Variants in SORCS2 observed in about 807,000 individuals in gnomAD.
The protein encoded by SORCS2 is sortilin related VPS10 domain containing receptor 2, also known as VPS10 domain-containing receptor SorCS2.
In SORCS2, 100 loss-of-function variants were observed where a neutral mutation model predicts 141.6. The observed-to-expected ratio is 0.71, with a 90% CI of 0.60 to 0.83. The LOEUF (loss-of-function observed/expected upper bound fraction) is 0.83. SORCS2 is among the 40% of genes least tolerant of loss of function. The pLI, the probability that SORCS2 is intolerant of heterozygous loss-of-function variation, is 0.00. For synonymous variants in SORCS2, 789 were observed against 676.9 expected, an observed-to-expected ratio of 1.17 and a Z score of -2.57; for missense variants, 1,646 against 1,560.2, an observed-to-expected ratio of 1.05 and a Z score of -0.93.
chr4:7,521,599 TCTC>T (rs1292895130), intron 2 of SORCS2, among the ~76,000 whole-genome samples: 6 of 152,244 alleles, frequency 3.9e-5, no homozygotes, highest in Admixed American at 2.6e-4. Flanking sequence ...CTGTGTGTCT[TCTC>T]ATCTCACAGC....
intron 1 of SORCS2, among the ~76,000 whole-genome samples, chr4:7,210,978 T>A (rs1302945884): frequency 2.0e-5 from 3 of 152,194 alleles, no homozygotes; most frequent in African/African-American, 7.2e-5. Flanking sequence ...TGACCTGGCC[T>A]GGGTGGAGTG....
intron 3 of SORCS2, among the ~76,000 whole-genome samples, chr4:7,592,114 C>T (rs533488644): frequency 6.6e-6 from 1 of 152,172 alleles, no homozygotes; most frequent in African/African-American, 2.4e-5. Flanking sequence ...GAAAAAGATA[C>T]GCTTCGAGTT....
Position 7,280,803 on chromosome 4 carries a change from G to A in SORCS2, c.480+87677G>A, listed in dbSNP as rs75809513. Among the ~76,000 whole-genome samples the A allele has an allele frequency of 6.9e-3, 1,049 of 152,266 alleles. 48 individuals are homozygous for A. Among genetic ancestry groups the A allele is most frequent in the Admixed American group, 0.059 (901 of 15,298 alleles). ...GATGATTGTAGCAAGGGATGGATGC[G>A]CTACAATGAATGAATGAATGCATGA... is the stretch of plus-strand genomic sequence containing the variant. On this transcript the variant is annotated intron_variant, in intron 1 of 26. Transcript: ENST00000507866.
chr4:7,487,310 C>T (rs776605242), intron 2 of SORCS2, among the ~76,000 whole-genome samples: 6 of 152,198 alleles, frequency 3.9e-5, no homozygotes, highest in Non-Finnish European at 8.8e-5. Context: ...GGCCCACAGT[C>T]ACCAGAGGAT....
chr4:7,240,944 T>C (rs1712651028), intron 1 of SORCS2, among the ~76,000 whole-genome samples: 1 of 152,180 alleles, frequency 6.6e-6, no homozygotes, highest in African/African-American at 2.4e-5. Flanking sequence ...TTATTATTAT[T>C]ATTTTTTGAG....
At chr4:7,703,246 G>A (rs766149817) in intron 12 of SORCS2, 34 bp from the exon 13 acceptor site, 2 of 1,567,912 alleles carry the variant, frequency 1.3e-6, no homozygotes, top group Admixed American at 1.8e-5. Flanking sequence ...ACCTTCTCAG[G>A]CCCTGCCCTC....
rs117544706 is a variant in SORCS2 at position 7,283,232 on chromosome 4, T to C, written c.480+90106T>C. On this transcript the variant is annotated intron_variant, in intron 1 of 26. Coordinates refer to ENST00000507866, the MANE Select transcript of SORCS2 (RefSeq NM_020777.3). ...AGATACTGAGCATGCATGTGTGATATGACATAAAGCAGCTGAGAGTTGGAG... is the reference window on the plus strand; with the variant it reads ...AGATACTGAGCATGCATGTGTGATACGACATAAAGCAGCTGAGAGTTGGAG... 5.7e-4 allele frequency among the ~76,000 whole-genome samples: 87 copies of C among 152,290 alleles called. No individual in the cohort carries two copies. In the East Asian group the frequency reaches 0.014, roughly 25 times the overall value.
At chr4:7,260,277 T>C (rs928733415) in intron 1 of SORCS2, among the ~76,000 whole-genome samples, 10 of 152,168 alleles carry the variant, frequency 6.6e-5, no homozygotes, top group African/African-American at 1.9e-4. Context: ...CTCCTCTCTG[T>C]GGCCACTCAA....
At chr4:7,593,342 C>A (rs1717039656) in intron 3 of SORCS2, among the ~76,000 whole-genome samples, 1 of 152,216 alleles carries the variant, frequency 6.6e-6, no homozygotes, top group Non-Finnish European at 1.5e-5. Flanking sequence ...AACAGGGGAG[C>A]AGCCAGGTCA....
intron 1 of SORCS2, among the ~76,000 whole-genome samples, chr4:7,319,869 C>A (rs3916117): frequency 1.3e-5 from 2 of 152,134 alleles, no homozygotes; most frequent in Admixed American, 6.6e-5. Context: ...GGCCTGTACT[C>A]TGCTTTTCTG....
intron 3 of SORCS2, among the ~76,000 whole-genome samples, chr4:7,558,412 A>G (rs954040529): frequency 6.6e-6 from 1 of 152,044 alleles, no homozygotes; most frequent in African/African-American, 2.4e-5. Context: ...TTGGGGGCAA[A>G]ACCTACTGGG....
At chr4:7,416,765 CAT>C (rs1257716200) in intron 2 of SORCS2, among the ~76,000 whole-genome samples, 1 of 150,536 alleles carries the variant, frequency 6.6e-6, no homozygotes, top group Non-Finnish European at 1.5e-5. Flanking sequence ...CACACAGACA[CAT>C]GCATGCATGT....
chr4:7,330,894 A>G (rs955887599), intron 1 of SORCS2, among the ~76,000 whole-genome samples: 7 of 152,136 alleles, frequency 4.6e-5, no homozygotes, highest in African/African-American at 1.7e-4. Context: ...CGCCATGGAC[A>G]GGACGCTGTC....
chr4:7,623,094 C>G (rs1259044568), intron 3 of SORCS2, among the ~76,000 whole-genome samples: 3 of 152,088 alleles, frequency 2.0e-5, no homozygotes, highest in Admixed American at 2.0e-4. Context: ...ACCATTACCC[C>G]CCCGACTGGC....
chr4:7,497,099 G>C (rs1416168530), intron 2 of SORCS2, among the ~76,000 whole-genome samples: 1 of 152,262 alleles, frequency 6.6e-6, no homozygotes, highest in Non-Finnish European at 1.5e-5. Flanking sequence ...GAGTGGCAAA[G>C]AGAGATGGCC....
intron 8 of SORCS2, among the ~76,000 whole-genome samples, chr4:7,671,825 AT>A (rs913912145): frequency 6.6e-5 from 10 of 152,176 alleles, no homozygotes; most frequent in Non-Finnish European, 1.3e-4. Context: ...TCCCCCATCA[AT>A]TTATATTGAT....
At chr4:7,614,197 C>T (rs1040437346) in intron 3 of SORCS2, among the ~76,000 whole-genome samples, 3 of 147,044 alleles carry the variant, frequency 2.0e-5, no homozygotes, top group African/African-American at 8.1e-5. Context: ...TTCATCCATC[C>T]ACCTATTCAT....
intron 2 of SORCS2, chr4:7,431,955 C>T (rs557623802): frequency 2.0e-5 from 3 of 152,408 alleles, no homozygotes; most frequent in East Asian, 1.9e-4. Flanking sequence ...CTTCCACCCC[C>T]GGGACTCATG....
chr4:7,521,292 G>A (rs1284018237), intron 2 of SORCS2, among the ~76,000 whole-genome samples: 5 of 152,086 alleles, frequency 3.3e-5, no homozygotes, highest in Admixed American at 2.0e-4. Context: ...TCGCTGCTGC[G>A]TATTTGGGTG....
Sources: allele counts gnomAD v4.1 joint callset (sites outside exome capture counted in the v4.1 genomes callset), GRCh38; gene constraint gnomAD v4.1.1; transcripts MANE v1.5; gene names NCBI Gene and HGNC (gene_info 2026-07-23, HGNC 2026-07-21).